Variants in USP7 observed in about 807,000 individuals in gnomAD.
The protein encoded by USP7 is ubiquitin C-terminal hydrolase 7.
Under a neutral mutation model 162.9 loss-of-function variants are expected in USP7, and 9 were observed. The observed-to-expected ratio is 0.06, with a 90% CI of 0.03 to 0.10. The LOEUF is 0.10. Ranked by LOEUF, USP7 falls within the 10% of genes least tolerant of loss-of-function variation. USP7 has a pLI of 1.00. For missense variants in USP7, 715 were observed against 1,373.7 expected, an observed-to-expected ratio of 0.52 and a Z score of 7.58; for synonymous variants, 562 against 475.9, an observed-to-expected ratio of 1.18 and a Z score of -2.35.
At chr16:8,894,507 G>A (rs1222944459) in intron 30 of USP7, 43 bp downstream of exon 30, 5 of 1,586,844 alleles carry the variant, frequency 3.2e-6, no homozygotes, top group Middle Eastern at 2.3e-4. Context: ...TTGTTTCTTA[G>A]TCTGAAACCC....
rs1596349460 is a variant in USP7, at chr16:8,897,104, G to A, written c.2719-5C>T. 6.2e-7 allele frequency: 1 copy of A among 1,601,254 alleles called. No homozygotes were observed. Among genetic ancestry groups the A allele is most frequent in the Non-Finnish European group, 8.6e-7 (1 of 1,169,266 alleles). On this transcript the variant is annotated splice_region_variant and splice_polypyrimidine_tract_variant and intron_variant, in intron 25 of 30. Transcript: ENST00000344836. ...GTCTGGATATAGTGTTATTTCCTAA[G>A]TAATGAAAAGATAAAATAAGTGCTT...
At chr16:8,933,273 G>C (rs1898477241) in intron 1 of USP7, among the ~76,000 whole-genome samples, 1 of 152,096 alleles carries the variant, frequency 6.6e-6, no homozygotes, top group Non-Finnish European at 1.5e-5. Context: ...GCCAAGCACA[G>C]TGGCTCATGC....
intron 11 of USP7, 72 bp from the exon 12 acceptor site, chr16:8,908,522 G>C (rs1485548092): frequency 1.6e-5 from 21 of 1,337,142 alleles, no homozygotes; most frequent in Non-Finnish European, 2.1e-5. Context: ...AGCAACAGCG[G>C]TTCAGCAAGA....
At chr16:8,914,398 A>ACAGG (rs60657349) in intron 10 of USP7, among the ~76,000 whole-genome samples, 8,294 of 151,646 alleles carry the variant, frequency 0.055, 313 homozygotes, top group Non-Finnish European at 0.082. Context: ...CGCACACCCT[A>ACAGG]CAGGCCAGTA....
chr16:8,960,837 C>G (rs1006261683), intron 1 of USP7, among the ~76,000 whole-genome samples: 2 of 152,196 alleles, frequency 1.3e-5, no homozygotes, highest in African/African-American at 4.8e-5. Context: ...AAATAGATGG[C>G]CTAAGACACA....
intron 1 of USP7, among the ~76,000 whole-genome samples, chr16:8,939,908 G>T (rs1026908162): frequency 6.6e-6 from 1 of 152,158 alleles, no homozygotes; most frequent in Non-Finnish European, 1.5e-5. Context: ...AACCATCCTG[G>T]CTAACACGGT....
In USP7 at chr16:8,963,200, G is replaced by T. The variant is rs1193124251; in HGVS notation, c.79+7C>A. 2 of 1,414,670 alleles carry T rather than the reference G, an allele frequency of 1.4e-6. No individual in the cohort carries two copies. Among genetic ancestry groups the T allele is most frequent in the East Asian group, 3.4e-5 (1 of 28,998 alleles). 87.6% of individuals were successfully genotyped at this position (1,414,670 alleles called of 1,614,324 possible). A position where few individuals can be genotyped will look rare whatever the true frequency, so the allele number is the denominator to read the frequency against. On this transcript the variant is annotated splice_region_variant and intron_variant, in intron 1 of 30. Transcript: ENST00000344836. ...CGGCCCCGCCGCGGCCGGCCCTCGG[G>T]CCTCACCTTCCATCTCCATGTCCTC...
rs2141190325 is a variant in USP7 at position 8,910,650 on chromosome 16, G to A, written c.1161+95C>T. 4 of 1,141,930 alleles carry A rather than the reference G, an allele frequency of 3.5e-6. No individual in the cohort carries two copies. The South Asian group carries it at 5.4e-5, about 15-fold the overall frequency. 70.7% of individuals were successfully genotyped at this position (1,141,930 alleles called of 1,614,324 possible). ...TATATTCTAAATACCAGAAACACAT[G>A]AAAAGGCACAAGCAAATTTTTATTT... On this transcript the variant is annotated intron_variant, in intron 11 of 30. Transcript: ENST00000344836.
chr16:8,957,274 T>TA (rs1245942702), intron 1 of USP7, among the ~76,000 whole-genome samples: 1 of 152,176 alleles, frequency 6.6e-6, no homozygotes, highest in Admixed American at 6.5e-5. Flanking sequence ...TCCTCCAACT[T>TA]TCTTAAGTCC....
Position 8,904,625 on chromosome 16 carries a change from C to A in USP7, c.1574-60G>T. The A allele has an allele frequency of 1.9e-6, 3 of 1,589,674 alleles. No homozygotes were observed. The South Asian group carries it at 3.4e-5, about 18-fold the overall frequency. On this transcript the variant is annotated intron_variant, in intron 14 of 30. Coordinates refer to ENST00000344836, the MANE Select transcript of USP7 (RefSeq NM_003470.3). ...GATGGACTTTCCCCTCTTAGAAGCT[C>A]CCGATTCTAGGTCATCATTAATAAA...
intron 1 of USP7, among the ~76,000 whole-genome samples, chr16:8,937,716 T>G (rs1596401644): frequency 1.3e-5 from 2 of 151,582 alleles, no homozygotes; most frequent in African/African-American, 4.9e-5. Context: ...AAGGGAAAAA[T>G]GTCAGCATTA....
chr16:8,899,308 A>G, intron 22 of USP7, 120 bp from the exon 23 acceptor site: 2 of 961,288 alleles, frequency 2.1e-6, no homozygotes, highest in South Asian at 3.0e-5. Context: ...CTAGAAATTT[A>G]TTAAACAGGA....
chr16:8,950,660 G>A (rs1165082718), intron 1 of USP7, among the ~76,000 whole-genome samples: 1 of 152,196 alleles, frequency 6.6e-6, no homozygotes, highest in Non-Finnish European at 1.5e-5. Context: ...ACATGGCACT[G>A]CTAATTGTCC....
chr16:8,963,208 T>C lies in USP7; in HGVS notation c.78A>G (p.Glu26=). 2 of 1,410,486 alleles carry C rather than the reference T, an allele frequency of 1.4e-6. No individual in the cohort carries two copies. The highest frequency in any genetic ancestry group is 1.9e-6 in the Non-Finnish European group (2 of 1,072,490). 87.4% of individuals were successfully genotyped at this position (1,410,486 alleles called of 1,614,324 possible). A position where few individuals can be genotyped will look rare whatever the true frequency, so the allele number is the denominator to read the frequency against. ...QLSEPEDMEM[E]AGDTDDPPRI... ...CCGCGGCCGGCCCTCGGGCCTCACC[T>C]TCCATCTCCATGTCCTCGGGCTCGC... The change falls in exon 1 of 31, where the codon GAA becomes GAG. Residue 26 remains glutamate, a splice_region_variant and synonymous_variant. Transcript: ENST00000344836.
intron 1 of USP7, chr16:8,956,344 A>C (rs2141266522): frequency 6.6e-6 from 1 of 152,338 alleles, no homozygotes; most frequent in South Asian, 2.1e-4. Flanking sequence ...CCCAGGTTTC[A>C]AACATTCATG....
At chr16:8,918,164 T>A (rs1336014890) in intron 6 of USP7, among the ~76,000 whole-genome samples, 1 of 152,158 alleles carries the variant, frequency 6.6e-6, no homozygotes, top group Non-Finnish European at 1.5e-5. Flanking sequence ...TGACTAGAAT[T>A]ACCCATGCTG....
intron 1 of USP7, chr16:8,935,946 T>C (rs1263332042): frequency 2.0e-5 from 3 of 152,182 alleles, no homozygotes; most frequent in Non-Finnish European, 4.4e-5. Context: ...CACGCGAATC[T>C]AACCCCTGAG....
chr16:8,957,779 A>C (rs1428452855), intron 1 of USP7, among the ~76,000 whole-genome samples: 1 of 152,012 alleles, frequency 6.6e-6, no homozygotes, highest in African/African-American at 2.4e-5. Context: ...AAAAACAAAA[A>C]AAAATTAAAA....
intron 1 of USP7, among the ~76,000 whole-genome samples, chr16:8,930,822 A>C (rs1448800643): frequency 6.6e-6 from 1 of 152,170 alleles, no homozygotes; most frequent in Non-Finnish European, 1.5e-5. Flanking sequence ...TGCAAAAATT[A>C]GCTGGGTGTG....
Sources: allele counts gnomAD v4.1 joint callset (sites outside exome capture counted in the v4.1 genomes callset), GRCh38; gene constraint gnomAD v4.1.1; transcripts MANE v1.5; gene names NCBI Gene and HGNC (gene_info 2026-07-23, HGNC 2026-07-21).